Variants in DGKG observed in about 807,000 individuals in gnomAD.
DGKG encodes the protein diacylglycerol kinase gamma.
Under a neutral mutation model 105.3 loss-of-function variants are expected in DGKG, and 78 were observed. That is an observed-to-expected ratio of 0.74 (90% CI 0.62 to 0.89). DGKG has a LOEUF of 0.89. DGKG is among the 40% of genes least tolerant of loss of function. The pLI is 0.00. For missense variants in DGKG, 958 were observed against 1,020.1 expected (o/e 0.94, Z 0.83); for synonymous variants, 346 against 367.1 (o/e 0.94, Z 0.66).
chr3:186,237,297 T>G lies in DGKG; in HGVS notation c.1826+5207A>C, dbSNP rs1048575143. Among the ~76,000 whole-genome samples, 8 of 152,348 alleles carry G rather than the reference T, an allele frequency of 5.3e-5. No homozygotes were observed. The East Asian group carries it at 1.5e-3, about 29-fold the overall frequency. ...AGATGTGGACTCCAGGGCCCCACAC[T>G]TAAGAGGGCTCAGTGCTTAGTTTAA... is the stretch of plus-strand genomic sequence containing the variant. On this transcript the variant is annotated intron_variant, in intron 20 of 24. Transcript: ENST00000265022.
chr3:186,295,206 T>A (rs1723489891), intron 5 of DGKG, among the ~76,000 whole-genome samples: 1 of 152,194 alleles, frequency 6.6e-6, no homozygotes, highest in South Asian at 2.1e-4. Context: ...TTGTTTTATA[T>A]ACATTTAAAA....
At chr3:186,281,741 G>C (rs1722839043) in intron 7 of DGKG, among the ~76,000 whole-genome samples, 1 of 152,216 alleles carries the variant, frequency 6.6e-6, no homozygotes, top group Non-Finnish European at 1.5e-5. Context: ...CAAAAGAAAA[G>C]AGCTTGTGAA....
At chr3:186,327,650 T>A (rs999295677) in intron 1 of DGKG, among the ~76,000 whole-genome samples, 2 of 151,936 alleles carry the variant, frequency 1.3e-5, no homozygotes, top group South Asian at 4.2e-4. Flanking sequence ...TGGGCTCAAG[T>A]GATCCACCTG....
At chr3:186,340,353 T>C (rs989324367) in intron 1 of DGKG, among the ~76,000 whole-genome samples, 1 of 152,124 alleles carries the variant, frequency 6.6e-6, no homozygotes, top group Non-Finnish European at 1.5e-5. Context: ...CTAATAACAC[T>C]GGAGGGGTTG....
rs144406746 is a variant in DGKG, at chr3:186,313,689, G to A, written c.67+6704C>T. 416 of 174,630 alleles carry A rather than the reference G, an allele frequency of 2.4e-3. 1 individual carries two copies. The highest frequency in any genetic ancestry group is 9.4e-3 in the African/African-American group (392 of 41,902). 10.8% of individuals were successfully genotyped at this position (174,630 alleles called of 1,614,324 possible). A position where few individuals can be genotyped will look rare whatever the true frequency, so the allele number is the denominator to read the frequency against. On this transcript the variant is annotated intron_variant, in intron 2 of 24. Coordinates refer to ENST00000265022, the MANE Select transcript of DGKG (RefSeq NM_001346.3). ...CAACAGCTCTCCAGGAGATTCATGT[G>A]TACATTAAACATTGAGAGCTATTGT...
At chr3:186,159,334 T>C (rs1432566676) in intron 24 of DGKG, 1 of 151,142 alleles carries the variant, frequency 6.6e-6, no homozygotes, top group African/African-American at 2.4e-5. Context: ...TTCTGATTTA[T>C]ACGTTTTGTC....
intron 2 of DGKG, among the ~76,000 whole-genome samples, chr3:186,317,834 C>T (rs1019606257): frequency 2.0e-5 from 3 of 152,156 alleles, no homozygotes; most frequent in African/African-American, 7.2e-5. Flanking sequence ...GGAACTGTGT[C>T]TCATTTATTG....
intron 20 of DGKG, among the ~76,000 whole-genome samples, chr3:186,224,840 C>T (rs1308541826): frequency 6.7e-6 from 1 of 150,048 alleles, no homozygotes; most frequent in African/African-American, 2.5e-5. Flanking sequence ...GGGTAGCTAC[C>T]TCTGCAGGCT....
At chr3:186,220,226 TACTC>T (rs1719496115) in intron 20 of DGKG, among the ~76,000 whole-genome samples, 1 of 152,204 alleles carries the variant, frequency 6.6e-6, no homozygotes, top group Non-Finnish European at 1.5e-5. Flanking sequence ...AAAAAAGTCT[TACTC>T]AATATGGCAC....
intron 20 of DGKG, among the ~76,000 whole-genome samples, chr3:186,234,360 A>G (rs1720310837): frequency 6.6e-6 from 1 of 152,232 alleles, no homozygotes; most frequent in Non-Finnish European, 1.5e-5. Context: ...GGATCCAGCC[A>G]GTTCCTACCT....
At chr3:186,181,331 C>T (rs1019644920) in intron 22 of DGKG, among the ~76,000 whole-genome samples, 1 of 152,172 alleles carries the variant, frequency 6.6e-6, no homozygotes, top group South Asian at 2.1e-4. Flanking sequence ...GAAAATGACT[C>T]AGAGTGAACA....
At chr3:186,252,208 A>C (rs1181256572) in intron 18 of DGKG, among the ~76,000 whole-genome samples, 1 of 152,200 alleles carries the variant, frequency 6.6e-6, no homozygotes, top group Non-Finnish European at 1.5e-5. Flanking sequence ...GATGGCTGGG[A>C]GTCTCTGCAT....
At chr3:186,268,772 A>G in intron 12 of DGKG, 29 bp downstream of exon 12, 1 of 1,524,632 alleles carries the variant, frequency 6.6e-7, no homozygotes, top group Non-Finnish European at 9.1e-7. Flanking sequence ...CGTTGAAAAG[A>G]AGCAGGGCCG....
At chr3:186,187,293 A>C (rs1717688024) in intron 22 of DGKG, among the ~76,000 whole-genome samples, 2 of 152,220 alleles carry the variant, frequency 1.3e-5, no homozygotes, top group South Asian at 2.1e-4. Flanking sequence ...GATGGCAGGA[A>C]TGCAGGTGGT....
chr3:186,300,266 C>A (rs1560142307), intron 3 of DGKG, among the ~76,000 whole-genome samples: 1 of 152,188 alleles, frequency 6.6e-6, no homozygotes, highest in Non-Finnish European at 1.5e-5. Flanking sequence ...AAAGAAATTG[C>A]TGTCTACCAG....
chr3:186,285,448 TA>T (rs1723017597), intron 6 of DGKG, among the ~76,000 whole-genome samples: 1 of 152,216 alleles, frequency 6.6e-6, no homozygotes, highest in Non-Finnish European at 1.5e-5. Flanking sequence ...TATTCGGAAA[TA>T]CGCTATTCAG....
intron 22 of DGKG, among the ~76,000 whole-genome samples, chr3:186,180,147 A>G (rs1304529804): frequency 6.6e-6 from 1 of 152,122 alleles, no homozygotes; most frequent in Non-Finnish European, 1.5e-5. Context: ...GAAGGGAAAC[A>G]TGTGACTCTG....
At position 186,242,582 on chromosome 3, in the gene DGKG, A is replaced by G; in HGVS notation, c.1762-14T>C. On this transcript the variant is annotated splice_polypyrimidine_tract_variant and intron_variant, in intron 19 of 24. Transcript: ENST00000265022. ...AATGGAAGCGTCCTGAAAGTGAAAG[A>G]GACAAAGCAGATCCTTGGTGAGTGG... 1 of 1,612,028 alleles carries G rather than the reference A, an allele frequency of 6.2e-7. No individual in the cohort carries two copies. Among genetic ancestry groups the G allele is most frequent in the Non-Finnish European group, 8.5e-7 (1 of 1,178,486 alleles).
rs535856225 is a variant in DGKG at position 186,236,592 on chromosome 3, A to G, written c.1826+5912T>C. ...TGCCTTCTTCTATAAATAGTTACTA[A>G]GTGCTTAGTTATTTACAAGGTATAT... On this transcript the variant is annotated intron_variant, in intron 20 of 24. Coordinates refer to ENST00000265022, the MANE Select transcript of DGKG (RefSeq NM_001346.3). 1.7e-3 allele frequency among the ~76,000 whole-genome samples: 265 copies of G among 152,366 alleles called. 1 individual carries two copies. Among genetic ancestry groups the G allele is most frequent in the Admixed American group, 4.2e-3 (64 of 15,304 alleles).
Sources: allele counts gnomAD v4.1 joint callset (sites outside exome capture counted in the v4.1 genomes callset), GRCh38; gene constraint gnomAD v4.1.1; transcripts MANE v1.5; gene names NCBI Gene and HGNC (gene_info 2026-07-23, HGNC 2026-07-21).